The following PDE6D variants were observed in gnomAD, a reference collection of about 807,000 sequenced individuals.
PDE6D encodes the protein phosphodiesterase 6D.
Under a neutral mutation model 21.9 loss-of-function variants are expected in PDE6D, and 10 were observed. The ratio of observed to expected loss-of-function variants is 0.46; its 90% confidence interval spans 0.28 to 0.78. The LOEUF (loss-of-function observed/expected upper bound fraction) is 0.78. Ranked by LOEUF, PDE6D falls within the 30% of genes least tolerant of loss-of-function variation. The pLI is 0.12. For synonymous variants in PDE6D, 59 were observed against 63.5 expected, an observed-to-expected ratio of 0.93 and a Z score of 0.34; for missense variants, 139 against 184.8, an observed-to-expected ratio of 0.75 and a Z score of 1.44.
At chr2:231,755,406 C>G (rs2048875197) in intron 1 of PDE6D, among the ~76,000 whole-genome samples, 1 of 152,222 alleles carries the variant, frequency 6.6e-6, no homozygotes, top group South Asian at 2.1e-4. Context: ...ATTCTGATTT[C>G]AGTCATAGGC....
chr2:231,750,036 G>C lies in PDE6D; in HGVS notation c.51-10848C>G, dbSNP rs1331218598. Among the ~76,000 whole-genome samples, 4 of 152,250 alleles carry C rather than the reference G, an allele frequency of 2.6e-5. No individual in the cohort carries two copies. The South Asian group carries it at 8.3e-4, about 32-fold the overall frequency. On this transcript the variant is annotated intron_variant, in intron 1 of 4. Coordinates refer to ENST00000287600, the MANE Select transcript of PDE6D (RefSeq NM_002601.4). Reference sequence around the variant, plus strand: ...CTCCCAGAATTCCCAAGTGTTGTGGGAGGGATTTAGGGGGGAGGTAATTGA... The same window carrying C: ...CTCCCAGAATTCCCAAGTGTTGTGGCAGGGATTTAGGGGGGAGGTAATTGA...
At chr2:231,734,798 G>T (rs927546379) in intron 4 of PDE6D, among the ~76,000 whole-genome samples, 1 of 144,588 alleles carries the variant, frequency 6.9e-6, no homozygotes, top group Admixed American at 7.0e-5. Context: ...AGTGAGCTGG[G>T]ATCATGCTAC....
At chr2:231,737,097 T>C in intron 4 of PDE6D, 90 bp downstream of exon 4, 1 of 695,872 alleles carries the variant, frequency 1.4e-6, no homozygotes, top group Non-Finnish European at 2.6e-6. Flanking sequence ...AACCGAGCTC[T>C]CTGCCCACTG....
At chr2:231,745,806 T>G (rs909759536) in intron 1 of PDE6D, among the ~76,000 whole-genome samples, 1 of 152,162 alleles carries the variant, frequency 6.6e-6, no homozygotes, top group African/African-American at 2.4e-5. Flanking sequence ...TCTTACAGAA[T>G]AGTTGTGACC....
chr2:231,733,152 A>T (rs958629812), intron 4 of PDE6D, 119 bp from the exon 5 acceptor site: 3 of 693,366 alleles, frequency 4.3e-6, no homozygotes, highest in Middle Eastern at 2.4e-4. Flanking sequence ...ACCCACCCAG[A>T]GTCTTAGCTT....
chr2:231,781,031 T>C, intron 1 of PDE6D, 34 bp downstream of exon 1: 2 of 1,596,582 alleles, frequency 1.3e-6, no homozygotes, highest in Non-Finnish European at 1.7e-6. Flanking sequence ...GCCTCCCAAG[T>C]CCTCCCGGCC....
At chr2:231,759,078 G>A (rs2048905919) in intron 1 of PDE6D, among the ~76,000 whole-genome samples, 1 of 152,166 alleles carries the variant, frequency 6.6e-6, no homozygotes, top group Non-Finnish European at 1.5e-5. Context: ...AGCACTTTGG[G>A]AGGCTGAGGC....
At chr2:231,743,297 G>A (rs896039299) in intron 1 of PDE6D, among the ~76,000 whole-genome samples, 7 of 151,864 alleles carry the variant, frequency 4.6e-5, no homozygotes, top group African/African-American at 1.5e-4. Context: ...GGTGGTGTGC[G>A]CCTGTAGTCC....
At chr2:231,754,823 A>G (rs919324078) in intron 1 of PDE6D, among the ~76,000 whole-genome samples, 7 of 152,140 alleles carry the variant, frequency 4.6e-5, no homozygotes, top group Admixed American at 6.5e-5. Flanking sequence ...GTTACAGAGC[A>G]ACGATAAAAG....
intron 1 of PDE6D, among the ~76,000 whole-genome samples, chr2:231,775,385 CT>C: frequency 6.6e-6 from 1 of 152,096 alleles, no homozygotes; most frequent in Middle Eastern, 3.4e-3. Context: ...TCTTGGCTCA[CT>C]GCGACCTCCA....
chr2:231,736,484 T>C (rs1236656174), intron 4 of PDE6D, among the ~76,000 whole-genome samples: 1 of 152,156 alleles, frequency 6.6e-6, no homozygotes, highest in Non-Finnish European at 1.5e-5. Context: ...CAGCTAACTC[T>C]TTAGAAGGTA....
intron 4 of PDE6D, among the ~76,000 whole-genome samples, chr2:231,734,553 G>A (rs2048680249): frequency 6.6e-6 from 1 of 151,854 alleles, no homozygotes; most frequent in Non-Finnish European, 1.5e-5. Flanking sequence ...TATAAAACAG[G>A]TAAATAGGCC....
rs1345426595 is a variant in PDE6D, at chr2:231,737,922, T to C, written c.265+91A>G. 4 of 1,226,612 alleles carry C rather than the reference T, an allele frequency of 3.3e-6. No homozygotes were observed. The African/African-American group carries it at 6.1e-5, about 19-fold the overall frequency. 76.0% of individuals were successfully genotyped at this position (1,226,612 alleles called of 1,614,324 possible). A position where few individuals can be genotyped will look rare whatever the true frequency, so the allele number is the denominator to read the frequency against. The stretch of plus-strand genomic sequence containing the variant: ...ACAAACTGAGTTGTAAAAGGAATGT[T>C]ATCAAAGCACTGCTTTAGTTCACTG... On this transcript the variant is annotated intron_variant, in intron 3 of 4. Transcript: ENST00000287600.
rs1477285908 is a variant in PDE6D, at chr2:231,739,674, C to T, written c.51-486G>A. Reference sequence around the variant, plus strand: ...TGAAACAGAGTCTCACTCTGTCACACAGGCTGGAATGCAGTGGCACAATCT... The same window carrying T: ...TGAAACAGAGTCTCACTCTGTCACATAGGCTGGAATGCAGTGGCACAATCT... On this transcript the variant is annotated intron_variant, in intron 1 of 4. Coordinates refer to ENST00000287600, the MANE Select transcript of PDE6D (RefSeq NM_002601.4). This position sits in a 1 kb window ranked among gnomAD's most constrained non-coding sequence, Gnocchi z 4.2. Among the ~76,000 whole-genome samples the T allele has an allele frequency of 6.6e-6, 1 of 151,604 alleles. No homozygotes were observed. The highest frequency in any genetic ancestry group is 1.5e-5 in the Non-Finnish European group (1 of 67,934).
intron 1 of PDE6D, among the ~76,000 whole-genome samples, chr2:231,775,367 G>A (rs1478298222): frequency 6.6e-6 from 1 of 151,886 alleles, no homozygotes; most frequent in East Asian, 1.9e-4. Flanking sequence ...GAATGCAGTG[G>A]GGCACAGTCT....
rs937243530 is a variant in PDE6D, at chr2:231,732,789, G to T, written c.*163C>A. On this transcript the variant is annotated 3_prime_UTR_variant, in exon 5 of 5. Coordinates refer to ENST00000287600, the MANE Select transcript of PDE6D (RefSeq NM_002601.4). Reference sequence around the variant, plus strand: ...GTGGCTTGGGAAAAAGAGCCATCTGGTTACCTACACAGAGCTGGTCCCCTG... The same window carrying T: ...GTGGCTTGGGAAAAAGAGCCATCTGTTTACCTACACAGAGCTGGTCCCCTG... 5.9e-5 allele frequency: 35 copies of T among 596,112 alleles called. No homozygotes were observed. The highest frequency in any genetic ancestry group is 5.6e-4 in the African/African-American group (30 of 53,930). 36.9% of individuals were successfully genotyped at this position (596,112 alleles called of 1,614,324 possible). A position where few individuals can be genotyped will look rare whatever the true frequency, so the allele number is the denominator to read the frequency against.
chr2:231,780,308 GGCTAGGAGTCCCAGC>G (rs1042024649), intron 1 of PDE6D, among the ~76,000 whole-genome samples: 4 of 152,108 alleles, frequency 2.6e-5, no homozygotes, highest in East Asian at 1.9e-4. Flanking sequence ...AAGACACCTC[GGCTAGGAGTCCCAGC>G]GCGAGGCACC....
chr2:231,736,760 G>A (rs968534981), intron 4 of PDE6D, among the ~76,000 whole-genome samples: 1 of 152,164 alleles, frequency 6.6e-6, no homozygotes, highest in Non-Finnish European at 1.5e-5. Flanking sequence ...AGGAATGGGA[G>A]CAAATTAACA....
At chr2:231,750,556 GT>G (rs1173742759) in intron 1 of PDE6D, among the ~76,000 whole-genome samples, 1 of 148,098 alleles carries the variant, frequency 6.8e-6, no homozygotes, top group Non-Finnish European at 1.5e-5. Context: ...CCAGGCTGGA[GT>G]GCGATCTCAG....
Sources: allele counts gnomAD v4.1 joint callset (sites outside exome capture counted in the v4.1 genomes callset), GRCh38; gene constraint gnomAD v4.1.1; non-coding constraint Gnocchi (gnomAD v3.1); transcripts MANE v1.5; gene names NCBI Gene and HGNC (gene_info 2026-07-23, HGNC 2026-07-21).